The following ZBTB7C variants were observed in gnomAD, a reference collection of about 807,000 sequenced individuals.
ZBTB7C encodes the protein zinc finger and BTB domain-containing protein 7C.
In ZBTB7C, 8 loss-of-function variants were observed where a neutral mutation model predicts 25.7. The ratio of observed to expected loss-of-function variants is 0.31; its 90% CI spans 0.18 to 0.56. ZBTB7C has a LOEUF of 0.56. ZBTB7C is among the 20% of genes least tolerant of loss of function. The pLI, the probability that ZBTB7C is intolerant of heterozygous loss-of-function variation, is 0.91. For synonymous variants in ZBTB7C, 394 were observed against 369.0 expected (o/e 1.07, Z -0.78); for missense variants, 824 against 855.2 (o/e 0.96, Z 0.46).
chr18:48,371,624 T>G (rs970628250), intron 1 of ZBTB7C, among the ~76,000 whole-genome samples: 1 of 152,176 alleles, frequency 6.6e-6, no homozygotes, highest in Non-Finnish European at 1.5e-5. Flanking sequence ...TGCCACATGA[T>G]TGCCAGGGGC....
chr18:48,174,672 A>G (rs1427689288), intron 3 of ZBTB7C, among the ~76,000 whole-genome samples: 1 of 152,268 alleles, frequency 6.6e-6, no homozygotes, highest in Non-Finnish European at 1.5e-5. Flanking sequence ...ACCATGACAC[A>G]TACACACGAT....
intron 2 of ZBTB7C, among the ~76,000 whole-genome samples, chr18:48,206,470 T>C (rs4939761): frequency 0.92 from 140,156 of 152,118 alleles, 65,171 homozygotes; most frequent in East Asian, 0.99. Context: ...GTCTGGGCAA[T>C]ATGGTGAAAC....
Position 48,040,513 on chromosome 18 carries a change from C to G in ZBTB7C, c.595G>C (p.Ala199Pro), listed in dbSNP as rs755801142. 6.2e-7 allele frequency: 1 copy of G among 1,613,632 alleles called. No individual in the cohort carries two copies. The highest frequency in any genetic ancestry group is 8.5e-7 in the Non-Finnish European group (1 of 1,179,854). Residue 199 changes from alanine (A) to proline (P), a missense_variant, in exon 4 of 5, where the codon GCC (alanine) becomes CCC (proline). Around this residue, in one of 4 missense-constraint regions of ZBTB7C, gnomAD observed 316 missense variants for 299.2 expected, o/e 1.06. Transcript: ENST00000590800. ...AAGTCCCTGGGGGTGTCTGAATAGG[C>G]CTTCTCTGTGAGATGGTCTGTCTTG... ...PSKTDHLTEKAYSDTPRDFPD... is the reference protein window; with the variant it reads ...PSKTDHLTEKPYSDTPRDFPD...
chr18:48,233,206 C>A (rs532788013), intron 2 of ZBTB7C, among the ~76,000 whole-genome samples: 2 of 152,288 alleles, frequency 1.3e-5, no homozygotes, highest in Admixed American at 1.3e-4. Flanking sequence ...TATAAAATGA[C>A]AAGTTTGCAC....
Position 48,029,539 on chromosome 18 carries a change from G to A in ZBTB7C, c.1581C>T (p.Gly527=), listed in dbSNP as rs1322784840. The part of the protein sequence containing the change: ...HLGGAAVCLP[G]PSPAKHFLAA... ...CCAGGAAGTGCTTGGCGGGGCTGGG[G>A]CCCGGGAGGCACACAGCTGCGCCGC... is the stretch of plus-strand genomic sequence containing the variant. Residue 527 remains glycine (G), a synonymous_variant, in exon 5 of 5, where the codon GGC becomes GGT. Transcript: ENST00000590800. 1.3e-6 allele frequency: 2 copies of A among 1,565,870 alleles called. No homozygotes were observed. Among genetic ancestry groups the A allele is most frequent in the Non-Finnish European group, 8.6e-7 (1 of 1,166,382 alleles).
chr18:48,384,220 C>A (rs906379619), intron 1 of ZBTB7C, among the ~76,000 whole-genome samples: 2 of 149,266 alleles, frequency 1.3e-5, no homozygotes, highest in Non-Finnish European at 3.0e-5. Flanking sequence ...GGACAAGCCC[C>A]ACCCACAGCC....
chr18:48,129,858 T>C (rs73958004), intron 3 of ZBTB7C, among the ~76,000 whole-genome samples: 4,900 of 152,256 alleles, frequency 0.032, 230 homozygotes, highest in African/African-American at 0.11. Flanking sequence ...CAGTCAGGGT[T>C]ATGGGGTGGA....
Position 48,028,899 on chromosome 18 carries a change from C to T in ZBTB7C, c.*361G>A. ...CAGCCCCTACCTCCTCCTGCTGTGG[C>T]TGGCTGGGCACCAGGCCAACCACCC... On this transcript the variant is annotated 3_prime_UTR_variant, in exon 5 of 5. Coordinates refer to ENST00000590800, the MANE Select transcript of ZBTB7C (RefSeq NM_001318841.2). The T allele has an allele frequency of 3.8e-6, 1 of 261,970 alleles. No individual in the cohort carries two copies. The highest frequency in any genetic ancestry group is 7.1e-6 in the Non-Finnish European group (1 of 140,718). The allele number at this position is 261,970 out of a possible 1,614,324, so 16.2% of individuals were successfully genotyped here.
chr18:48,173,164 A>C (rs1212090738), intron 3 of ZBTB7C, among the ~76,000 whole-genome samples: 1 of 152,180 alleles, frequency 6.6e-6, no homozygotes, highest in Non-Finnish European at 1.5e-5. Context: ...TGTGATTTGA[A>C]CAGTTCTGCT....
At chr18:48,084,959 A>C (rs1568205829) in intron 3 of ZBTB7C, among the ~76,000 whole-genome samples, 1 of 152,114 alleles carries the variant, frequency 6.6e-6, no homozygotes, top group Non-Finnish European at 1.5e-5. Flanking sequence ...ATCATTCCAC[A>C]ATCAAACCTT....
intron 3 of ZBTB7C, among the ~76,000 whole-genome samples, chr18:48,082,468 C>T (rs1371013058): frequency 4.6e-5 from 7 of 152,280 alleles, no homozygotes; most frequent in East Asian, 1.9e-4. Flanking sequence ...AGGGAAGCAA[C>T]GGGCTCAAAG....
At chr18:48,228,734 C>CTT (rs761219136) in intron 2 of ZBTB7C, among the ~76,000 whole-genome samples, 128 of 136,288 alleles carry the variant, frequency 9.4e-4, no homozygotes, top group African/African-American at 3.8e-3. Flanking sequence ...CTCTCTCTGT[C>CTT]TCTCTCTCTC....
chr18:48,231,891 C>A lies in ZBTB7C; in HGVS notation c.-78-45896G>T, dbSNP rs775444961. 3.3e-5 allele frequency among the ~76,000 whole-genome samples: 5 copies of A among 152,218 alleles called. No individual in the cohort carries two copies. In the East Asian group the frequency reaches 9.6e-4, roughly 29 times the overall value. On this transcript the variant is annotated intron_variant, in intron 2 of 4. Transcript: ENST00000590800. ...CCATGTAAGCTTCTTGTGGTAGGGTCTGGTCCCGGCACAGCCTTGCAGGGA... is the reference window on the plus strand; with the variant it reads ...CCATGTAAGCTTCTTGTGGTAGGGTATGGTCCCGGCACAGCCTTGCAGGGA...
chr18:48,174,623 G>C (rs770415470), intron 3 of ZBTB7C, among the ~76,000 whole-genome samples: 37 of 152,188 alleles, frequency 2.4e-4, no homozygotes, highest in Non-Finnish European at 4.4e-4. Flanking sequence ...AATATGAGAA[G>C]CTACCTAAGT....
chr18:48,387,168 G>T (rs572933848), intron 1 of ZBTB7C, among the ~76,000 whole-genome samples: 1 of 152,344 alleles, frequency 6.6e-6, no homozygotes, highest in East Asian at 1.9e-4. Context: ...GTTGGAGTCA[G>T]GGTATGCAAA....
chr18:48,305,128 G>A (rs962315263), intron 2 of ZBTB7C, among the ~76,000 whole-genome samples: 8 of 151,498 alleles, frequency 5.3e-5, no homozygotes, highest in Admixed American at 2.6e-4. Context: ...GGTCCAGCAC[G>A]CCATTCCAGG....
rs62086485 is a variant in ZBTB7C at position 48,286,203 on chromosome 18, C to T, written c.-79+51971G>A. Among the ~76,000 whole-genome samples the T allele has an allele frequency of 9.9e-3, 1,496 of 150,676 alleles. 16 individuals are homozygous for T. Among genetic ancestry groups the T allele is most frequent in the Non-Finnish European group, 0.016 (1,118 of 67,860 alleles). ...TTTATCAGGGTATAATTGTTGTTAT[C>T]CTAGTCATCTTTGTCAGAGAAGAGG... On this transcript the variant is annotated intron_variant, in intron 2 of 4. Coordinates refer to ENST00000590800, the MANE Select transcript of ZBTB7C (RefSeq NM_001318841.2).
At chr18:48,362,912 C>T (rs9304366) in intron 1 of ZBTB7C, among the ~76,000 whole-genome samples, 1 of 151,956 alleles carries the variant, frequency 6.6e-6, no homozygotes, top group Non-Finnish European at 1.5e-5. Flanking sequence ...GAAGGTGTGG[C>T]CGCTGCACCT....
chr18:48,409,790 C>T (rs962425686), upstream of ZBTB7C, among the ~76,000 whole-genome samples: 2 of 152,144 alleles, frequency 1.3e-5, no homozygotes. Flanking sequence ...CGCGTCTTTT[C>T]TCTTTCTTTC....
Sources: gnomAD v4.1 joint callset for allele counts (sites outside exome capture counted in the v4.1 genomes callset) on GRCh38, gnomAD v4.1.1 for gene constraint, gnomAD v4.1.1 regional missense constraint, MANE v1.5 for transcripts, NCBI Gene and HGNC (gene_info 2026-07-23, HGNC 2026-07-21) for gene names.